Variants in INPP5A observed in about 807,000 individuals in gnomAD.
INPP5A encodes inositol polyphosphate-5-phosphatase A.
Under a neutral mutation model 65.2 loss-of-function variants are expected in INPP5A, and 14 were observed. The ratio of observed to expected loss-of-function variants is 0.21; its 90% CI spans 0.14 to 0.34. The LOEUF is 0.34. INPP5A is among the 10% of genes least tolerant of loss of function. The probability of loss-of-function intolerance (pLI) is 1.00; values close to 1 mark genes in which losing one functional copy is unlikely to be tolerated. For synonymous variants in INPP5A, 207 were observed against 208.3 expected (o/e 0.99, Z 0.05); for missense variants, 431 against 545.6 (o/e 0.79, Z 2.09).
rs916634130 is a variant in INPP5A, at chr10:132,575,207, C to G, written c.76-32708C>G. ...GCTGGCGTTTGCACCGGCCTGGACA[C>G]ATCGCAACCCTGACCTGTGTGCTGA... On this transcript the variant is annotated intron_variant, in intron 1 of 15. Transcript: ENST00000368594. This position sits in a 1 kb window ranked among gnomAD's most constrained non-coding sequence, Gnocchi z 5.4. 1.3e-5 allele frequency among the ~76,000 whole-genome samples: 2 copies of G among 152,232 alleles called. No homozygotes were observed. Among genetic ancestry groups the G allele is most frequent in the East Asian group, 3.8e-4 (2 of 5,204 alleles).
intron 4 of INPP5A, among the ~76,000 whole-genome samples, chr10:132,681,128 G>A (rs1590920743): frequency 6.6e-6 from 1 of 152,352 alleles, no homozygotes; most frequent in African/African-American, 2.4e-5. Context: ...GAGTCTGGTG[G>A]GGACGTGCAG....
At chr10:132,734,032 G>A (rs1014958217) in intron 9 of INPP5A, among the ~76,000 whole-genome samples, 4 of 152,222 alleles carry the variant, frequency 2.6e-5, no homozygotes, top group Non-Finnish European at 4.4e-5. Context: ...GTCTCCTCAC[G>A]TCTGCCTGGC....
intron 2 of INPP5A, among the ~76,000 whole-genome samples, chr10:132,630,240 A>ACGTCCATGAGGGGAAGG (rs1181924135): frequency 2.7e-5 from 4 of 148,496 alleles, no homozygotes; most frequent in African/African-American, 7.5e-5. Flanking sequence ...TGAGGGGAAG[A>ACGTCCATGAGGGGAAGG]CGTCCATGAG....
Position 132,537,993 on chromosome 10 carries a change from G to T in INPP5A, c.-104G>T. 2.7e-6 allele frequency: 1 copy of T among 374,848 alleles called. No individual in the cohort carries two copies. The highest frequency in any genetic ancestry group is 3.6e-6 in the Non-Finnish European group (1 of 274,248). 23.2% of individuals were successfully genotyped at this position (374,848 alleles called of 1,614,324 possible). ...ATGCGCCCCGGGGCCGCCCCCCGGC[G>T]CAGCTGACGCCCCGCGGCCCCGCGA... On this transcript the variant is annotated 5_prime_UTR_variant, in exon 1 of 16. Transcript: ENST00000368594.
rs1462959850 is a variant in INPP5A at position 132,697,771 on chromosome 10, G to T, written c.371-45G>T. 1.5e-6 allele frequency: 2 copies of T among 1,327,070 alleles called. No individual in the cohort carries two copies. The highest frequency in any genetic ancestry group is 2.2e-6 in the Non-Finnish European group (2 of 925,326). 82.2% of individuals were successfully genotyped at this position (1,327,070 alleles called of 1,614,324 possible). A position where few individuals can be genotyped will look rare whatever the true frequency, so the allele number is the denominator to read the frequency against. ...GTTGTGCTCCAGGCTGGTTGGATGG[G>T]GCACAGTGATGGGATAGTCACCTCG... is the stretch of plus-strand genomic sequence containing the variant. On this transcript the variant is annotated intron_variant, in intron 5 of 15. Transcript: ENST00000368594. The surrounding 1 kb of genome is among the most constrained non-coding windows in gnomAD (Gnocchi z 5.6).
intron 12 of INPP5A, among the ~76,000 whole-genome samples, chr10:132,775,972 A>G: frequency 6.6e-6 from 1 of 152,156 alleles, no homozygotes; most frequent in South Asian, 2.1e-4. Flanking sequence ...TCCGGGGGGC[A>G]GTGGACGTGT....
At chr10:132,722,561 G>A (rs965572191) in intron 8 of INPP5A, among the ~76,000 whole-genome samples, 1 of 152,214 alleles carries the variant, frequency 6.6e-6, no homozygotes, top group East Asian at 1.9e-4. Flanking sequence ...GGAAGCGCCC[G>A]CTGTTGGAAA....
chr10:132,561,512 T>C (rs1424663714), intron 1 of INPP5A, among the ~76,000 whole-genome samples: 2 of 152,112 alleles, frequency 1.3e-5, no homozygotes, highest in Non-Finnish European at 2.9e-5. Flanking sequence ...ACCATGAATA[T>C]ATAGATTTAT....
At chr10:132,722,532 G>T (rs1294454916) in intron 8 of INPP5A, among the ~76,000 whole-genome samples, 18 of 152,222 alleles carry the variant, frequency 1.2e-4, no homozygotes, top group Admixed American at 9.8e-4. Flanking sequence ...CTCGCGCCCG[G>T]TTCCCACTGC....
intron 1 of INPP5A, among the ~76,000 whole-genome samples, chr10:132,561,196 G>A (rs572648672): frequency 4.7e-5 from 7 of 149,066 alleles, no homozygotes; most frequent in African/African-American, 1.8e-4. Context: ...TGGAATAGCA[G>A]GGACTACAGA....
chr10:132,596,990 C>T (rs1000623656), intron 1 of INPP5A, among the ~76,000 whole-genome samples: 3 of 135,386 alleles, frequency 2.2e-5, no homozygotes, highest in Admixed American at 7.2e-5. Context: ...TGTGCATGCA[C>T]GTGTGTTTGT....
chr10:132,739,977 C>G lies in INPP5A; in HGVS notation c.733-9540C>G, dbSNP rs534045667. ...CTCCAGAGGTGAGGCTTCCTTGGCA[C>G]TTTCCGTGGCCTCCCCAGGACGAAG... On this transcript the variant is annotated intron_variant, in intron 9 of 15. Coordinates refer to ENST00000368594, the MANE Select transcript of INPP5A (RefSeq NM_005539.5). Among the ~76,000 whole-genome samples, 9 of 152,316 alleles carry G rather than the reference C, an allele frequency of 5.9e-5. No individual in the cohort carries two copies. In the East Asian group the frequency reaches 1.7e-3, roughly 29 times the overall value.
intron 11 of INPP5A, among the ~76,000 whole-genome samples, chr10:132,764,079 G>A (rs1329858986): frequency 6.6e-6 from 1 of 152,262 alleles, no homozygotes; most frequent in Non-Finnish European, 1.5e-5. Flanking sequence ...AACTGGAGCT[G>A]TACCCTCTTA....
intron 8 of INPP5A, among the ~76,000 whole-genome samples, chr10:132,713,761 C>T (rs867146001): frequency 1.1e-4 from 16 of 152,190 alleles, no homozygotes; most frequent in African/African-American, 3.9e-4. Context: ...CCTGTCCGGC[C>T]TCCCGGATAT....
At chr10:132,718,042 G>T in intron 8 of INPP5A, among the ~76,000 whole-genome samples, 1 of 146,112 alleles carries the variant, frequency 6.8e-6, no homozygotes, top group African/African-American at 2.5e-5. Flanking sequence ...CGCCTTAGAC[G>T]GCTGTCTTGC....
intron 1 of INPP5A, among the ~76,000 whole-genome samples, chr10:132,554,574 G>A (rs2071100479): frequency 6.6e-6 from 1 of 152,094 alleles, no homozygotes; most frequent in Admixed American, 6.6e-5. Flanking sequence ...TGGTTGGCGT[G>A]GTTGGTGTGG....
chr10:132,690,088 A>G (rs1845232976), intron 4 of INPP5A, among the ~76,000 whole-genome samples: 1 of 152,188 alleles, frequency 6.6e-6, no homozygotes, highest in East Asian at 1.9e-4. Context: ...TGCTGGAGCC[A>G]GCACCGGCTG....
intron 1 of INPP5A, among the ~76,000 whole-genome samples, chr10:132,583,644 C>T (rs1017153030): frequency 1.3e-5 from 2 of 152,166 alleles, no homozygotes; most frequent in South Asian, 2.1e-4. Flanking sequence ...GTCGAATGTG[C>T]TCAGATGGTT....
chr10:132,630,880 G>T (rs1048934563), intron 2 of INPP5A, among the ~76,000 whole-genome samples: 3 of 152,194 alleles, frequency 2.0e-5, no homozygotes, highest in African/African-American at 7.2e-5. Context: ...CTTTGTTCGG[G>T]TTAGAGCCCT....
Sources: gnomAD v4.1 joint callset for allele counts (sites outside exome capture counted in the v4.1 genomes callset) on GRCh38, gnomAD v4.1.1 for gene constraint, Gnocchi (gnomAD v3.1) non-coding constraint, MANE v1.5 for transcripts, NCBI Gene and HGNC (gene_info 2026-07-23, HGNC 2026-07-21) for gene names.